Variants in STPG2 observed in about 807,000 individuals in gnomAD.
STPG2 encodes the protein sperm tail PG-rich repeat containing 2.
In STPG2, 56 loss-of-function variants were observed where a neutral mutation model predicts 54.2. The observed-to-expected ratio is 1.03, with a 90% confidence interval of 0.83 to 1.29. The LOEUF is 1.29. Among genes scored for constraint, STPG2 ranks in the 50% most tolerant of loss-of-function variants. The pLI, the probability that STPG2 is intolerant of heterozygous loss-of-function variation, is 0.00. For missense variants in STPG2, 596 were observed against 544.9 expected, an observed-to-expected ratio of 1.09 and a Z score of -0.93; for synonymous variants, 200 against 181.8, an observed-to-expected ratio of 1.10 and a Z score of -0.81.
chr4:97,867,423 T>G (rs1334697888), intron 8 of STPG2, among the ~76,000 whole-genome samples: 1 of 152,058 alleles, frequency 6.6e-6, no homozygotes, highest in Non-Finnish European at 1.5e-5. Context: ...TAACTCCTTG[T>G]GAGATTCTTA....
chr4:97,914,021 G>T (rs1731777494), intron 8 of STPG2, among the ~76,000 whole-genome samples: 1 of 152,028 alleles, frequency 6.6e-6, no homozygotes, highest in South Asian at 2.1e-4. Context: ...GGTACTAAAA[G>T]TAAAATTTCT....
chr4:97,698,164 G>A (rs1723646439), intron 10 of STPG2, among the ~76,000 whole-genome samples: 1 of 152,100 alleles, frequency 6.6e-6, no homozygotes, highest in African/African-American at 2.4e-5. Flanking sequence ...GCAGGTCGTG[G>A]TTATTTTCTT....
At chr4:97,460,777 T>C (rs1729643511) in intron 4 of STPG2, among the ~76,000 whole-genome samples, 1 of 152,218 alleles carries the variant, frequency 6.6e-6, no homozygotes, top group Admixed American at 6.5e-5. Flanking sequence ...TATGCACTCC[T>C]GAGCCTGCAA....
At chr4:98,062,130 G>C (rs1053648061) in intron 5 of STPG2, among the ~76,000 whole-genome samples, 2 of 152,182 alleles carry the variant, frequency 1.3e-5, no homozygotes, top group Non-Finnish European at 2.9e-5. Context: ...AAAAGAACAA[G>C]ATCATGTCTT....
At chr4:97,610,208 G>C (rs1174497439) in intron 10 of STPG2, among the ~76,000 whole-genome samples, 2 of 152,038 alleles carry the variant, frequency 1.3e-5, no homozygotes, top group Non-Finnish European at 2.9e-5. Flanking sequence ...TGATTTCAAA[G>C]GGAGTGTCTG....
intron 10 of STPG2, among the ~76,000 whole-genome samples, chr4:97,561,417 A>C (rs529537722): frequency 1.2e-4 from 19 of 152,216 alleles, no homozygotes; most frequent in African/African-American, 4.6e-4. Flanking sequence ...CTCTGATGGT[A>C]GTTTCTTTTG....
At chr4:97,473,055 T>A (rs959073220) in intron 4 of STPG2, among the ~76,000 whole-genome samples, 1 of 152,192 alleles carries the variant, frequency 6.6e-6, no homozygotes, top group African/African-American at 2.4e-5. Flanking sequence ...TTTACTTTAA[T>A]CTCTTAATCC....
At chr4:97,876,093 T>A (rs553195269) in intron 8 of STPG2, among the ~76,000 whole-genome samples, 1 of 152,140 alleles carries the variant, frequency 6.6e-6, no homozygotes, top group South Asian at 2.1e-4. Context: ...ATAATTATGA[T>A]CCCATGAATG....
At chr4:97,829,015 G>C (rs936961410) in intron 9 of STPG2, among the ~76,000 whole-genome samples, 6 of 152,292 alleles carry the variant, frequency 3.9e-5, no homozygotes, top group African/African-American at 1.4e-4. Context: ...CAGCGTTTGA[G>C]TCTCTGCTAA....
chr4:98,022,000 G>C (rs1159171925), intron 5 of STPG2, among the ~76,000 whole-genome samples: 1 of 151,406 alleles, frequency 6.6e-6, no homozygotes, highest in African/African-American at 2.4e-5. Context: ...TTTAATTGGA[G>C]CATATAGCCC....
At chr4:97,928,998 C>T (rs1315630472) in intron 8 of STPG2, among the ~76,000 whole-genome samples, 1 of 152,094 alleles carries the variant, frequency 6.6e-6, no homozygotes, top group Admixed American at 6.6e-5. Flanking sequence ...AAGCCCAGTA[C>T]CCACTGTTTA....
intron 9 of STPG2, among the ~76,000 whole-genome samples, chr4:97,785,750 T>C (rs1203565155): frequency 6.6e-6 from 1 of 152,032 alleles, no homozygotes; most frequent in Non-Finnish European, 1.5e-5. Flanking sequence ...TGCTTTAGGT[T>C]ATAGAAATAC....
intron 10 of STPG2, among the ~76,000 whole-genome samples, chr4:97,701,505 A>G (rs1006564440): frequency 6.6e-6 from 1 of 152,158 alleles, no homozygotes; most frequent in African/African-American, 2.4e-5. Context: ...GATGGAAAAA[A>G]GATTAACAGC....
At chr4:97,864,787 A>G (rs1266654285) in intron 8 of STPG2, among the ~76,000 whole-genome samples, 1 of 151,996 alleles carries the variant, frequency 6.6e-6, no homozygotes, top group African/African-American at 2.4e-5. Context: ...AAGTAATACC[A>G]CACATCTACA....
intron 7 of STPG2, among the ~76,000 whole-genome samples, chr4:97,956,469 G>C (rs1371109620): frequency 6.6e-6 from 1 of 152,116 alleles, no homozygotes; most frequent in Non-Finnish European, 1.5e-5. Context: ...AGTGTGTGGA[G>C]TCTCAGACCA....
intron 5 of STPG2, chr4:98,025,827 C>T: frequency 1.9e-6 from 3 of 1,594,998 alleles, no homozygotes; most frequent in Non-Finnish European, 2.6e-6. Context: ...TATTTGGATG[C>T]AGGCCTTGCC....
chr4:97,595,689 A>T (rs1733271611), intron 10 of STPG2, among the ~76,000 whole-genome samples: 1 of 152,200 alleles, frequency 6.6e-6, no homozygotes, highest in South Asian at 2.1e-4. Context: ...GCAAAGGACA[A>T]AAAAGATCCT....
At chr4:97,577,646 G>A (rs1027811806) in intron 10 of STPG2, among the ~76,000 whole-genome samples, 21 of 152,174 alleles carry the variant, frequency 1.4e-4, no homozygotes, top group African/African-American at 5.1e-4. Flanking sequence ...CAGTACATGG[G>A]TGACAGGATC....
At chr4:97,623,935 G>A (rs749669133) in intron 10 of STPG2, among the ~76,000 whole-genome samples, 5 of 152,050 alleles carry the variant, frequency 3.3e-5, no homozygotes, top group East Asian at 3.9e-4. Flanking sequence ...AATGGCTTCC[G>A]GCTCCATCCA....
Sources: allele counts gnomAD v4.1 joint callset (sites outside exome capture counted in the v4.1 genomes callset), GRCh38; gene constraint gnomAD v4.1.1; transcripts MANE v1.5; gene names NCBI Gene and HGNC (gene_info 2026-07-23, HGNC 2026-07-21).